Variants in OSBPL9 observed in about 807,000 individuals in gnomAD.
The protein encoded by OSBPL9 is oxysterol-binding protein-related protein 9.
OSBPL9 carries 40 observed loss-of-function variants against 106.6 expected under a neutral mutation model. The ratio of observed to expected loss-of-function variants is 0.38; its 90% confidence interval spans 0.29 to 0.49. The LOEUF (loss-of-function observed/expected upper bound fraction) is 0.49. Among genes scored for constraint, OSBPL9 ranks in the 20% least tolerant of loss-of-function variants. The pLI, the probability that OSBPL9 is intolerant of heterozygous loss-of-function variation, is 0.97. For missense variants in OSBPL9, 609 were observed against 887.2 expected (o/e 0.69, Z 3.98); for synonymous variants, 269 against 295.4 (o/e 0.91, Z 0.92).
intron 3 of OSBPL9, among the ~76,000 whole-genome samples, chr1:51,674,009 C>T (rs1008306862): frequency 1.7e-4 from 26 of 149,862 alleles, no homozygotes; most frequent in African/African-American, 6.1e-4. Context: ...TCAACTCCTT[C>T]CTTCCTTCCT....
At chr1:51,759,481 T>G (rs2149059942) in intron 9 of OSBPL9, 1 of 152,334 alleles carries the variant, frequency 6.6e-6, no homozygotes, top group East Asian at 1.9e-4. Flanking sequence ...TGGGCTTATT[T>G]ATTGGCAAAG....
At position 51,788,731 on chromosome 1, in the gene OSBPL9, G is replaced by T. The variant is rs1295602568; in HGVS notation, c.*942G>T. On this transcript the variant is annotated 3_prime_UTR_variant, in exon 24 of 24. Transcript: ENST00000428468. Reference sequence around the variant, plus strand: ...TTGCCTTAGAGGGTTTGGGAAGAGTGTGTATTTATAGATCCCCACCCCACA... The same window carrying T: ...TTGCCTTAGAGGGTTTGGGAAGAGTTTGTATTTATAGATCCCCACCCCACA... 6.6e-6 allele frequency among the ~76,000 whole-genome samples: 1 copy of T among 152,050 alleles called. No individual in the cohort carries two copies. The highest frequency in any genetic ancestry group is 2.4e-5 in the African/African-American group (1 of 41,370).
intron 2 of OSBPL9, among the ~76,000 whole-genome samples, chr1:51,606,665 C>T (rs1643950492): frequency 6.6e-6 from 1 of 152,202 alleles, no homozygotes; most frequent in Non-Finnish European, 1.5e-5. Flanking sequence ...GACATAATTA[C>T]CTGGTGGTAC....
At position 51,782,609 on chromosome 1, in the gene OSBPL9, A is replaced by G. The variant is rs778537718; in HGVS notation, c.1479A>G (p.Thr493=). ...PVPWVSKNSV[T]FVAEQVSHHP... ...CCTGGGTTTCCAAAAACAGTGTAAC[A>G]TTTGTGGCTGAGCAGGTTTCCCATC... is the stretch of plus-strand genomic sequence containing the variant. The change falls in exon 17 of 24, where the codon ACA becomes ACG. Residue 493 remains threonine (T), a synonymous_variant. Transcript: ENST00000428468. 1.2e-6 allele frequency: 2 copies of G among 1,613,956 alleles called. No individual in the cohort carries two copies. Among genetic ancestry groups the G allele is most frequent in the South Asian group, 1.1e-5 (1 of 91,070 alleles).
chr1:51,677,418 T>C (rs1289964438), intron 3 of OSBPL9, among the ~76,000 whole-genome samples: 1 of 152,238 alleles, frequency 6.6e-6, no homozygotes, highest in Non-Finnish European at 1.5e-5. Flanking sequence ...ACCTATATAT[T>C]AGGCATGTCT....
the OSBPL9 span, among the ~76,000 whole-genome samples, chr1:51,559,133 G>A: frequency 6.6e-6 from 1 of 152,132 alleles, no homozygotes; most frequent in Non-Finnish European, 1.5e-5. Context: ...GGAGGGATGG[G>A]GAGGGGATCT....
chr1:51,588,384 A>G (rs997815795), intron 1 of OSBPL9, among the ~76,000 whole-genome samples: 2 of 152,212 alleles, frequency 1.3e-5, no homozygotes, highest in African/African-American at 4.8e-5. Flanking sequence ...CTCTGTCTCA[A>G]AAAAATAATA....
intron 14 of OSBPL9, 123 bp from the exon 15 acceptor site, chr1:51,776,710 T>C (rs1675152032): frequency 1.8e-5 from 12 of 652,096 alleles, no homozygotes; most frequent in South Asian, 1.8e-4. Flanking sequence ...CTGGGCAATA[T>C]GTGGTGGATG....
intron 1 of OSBPL9, among the ~76,000 whole-genome samples, chr1:51,595,895 T>C (rs1031713547): frequency 2.6e-5 from 4 of 152,140 alleles, no homozygotes; most frequent in Admixed American, 1.3e-4. Flanking sequence ...GAATAGGGGC[T>C]AGAAACCAGG....
intron 4 of OSBPL9, among the ~76,000 whole-genome samples, chr1:51,714,693 C>G (rs1422244886): frequency 6.6e-6 from 1 of 152,180 alleles, no homozygotes; most frequent in Non-Finnish European, 1.5e-5. Flanking sequence ...GTAGCAATGT[C>G]AGCCTCCCAT....
chr1:51,577,315 T>C (rs1359280456), intron 1 of OSBPL9: 5 of 148,820 alleles, frequency 3.4e-5, no homozygotes, highest in Non-Finnish European at 7.4e-5. Flanking sequence ...TTTCTCTTTT[T>C]CTTTTCTTTT....
At chr1:51,570,389 C>G in the OSBPL9 span, among the ~76,000 whole-genome samples, 5 of 152,318 alleles carry the variant, frequency 3.3e-5, no homozygotes, top group South Asian at 1.0e-3. Flanking sequence ...CAGGATCACT[C>G]AACCAGTTCA....
At chr1:51,633,328 T>C (rs552012869) in intron 1 of OSBPL9, among the ~76,000 whole-genome samples, 1 of 151,180 alleles carries the variant, frequency 6.6e-6, no homozygotes, top group South Asian at 2.1e-4. Context: ...CCTAGCACTT[T>C]GGAGGCCAAG....
At chr1:51,603,268 T>C (rs1645332539) in intron 2 of OSBPL9, among the ~76,000 whole-genome samples, 1 of 152,228 alleles carries the variant, frequency 6.6e-6, no homozygotes, top group Non-Finnish European at 1.5e-5. Context: ...ACTAGCAATA[T>C]AATCAAGAAA....
chr1:51,749,796 T>C (rs964387908), intron 7 of OSBPL9, among the ~76,000 whole-genome samples: 1 of 151,846 alleles, frequency 6.6e-6, no homozygotes, highest in African/African-American at 2.4e-5. Flanking sequence ...GCCTCTGAGT[T>C]TGAGGCTGCA....
intron 4 of OSBPL9, among the ~76,000 whole-genome samples, chr1:51,730,662 T>A (rs1664180110): frequency 6.6e-6 from 1 of 152,224 alleles, no homozygotes; most frequent in Admixed American, 6.5e-5. Context: ...ATTTGAGTAA[T>A]GCACTTTTTG....
chr1:51,530,911 C>A, the OSBPL9 span, among the ~76,000 whole-genome samples: 1 of 149,544 alleles, frequency 6.7e-6, no homozygotes, highest in African/African-American at 2.5e-5. Context: ...GAGGCCGAGG[C>A]TGCAGTGAGC....
chr1:51,660,545 A>G (rs1647075994), intron 2 of OSBPL9, among the ~76,000 whole-genome samples: 2 of 152,252 alleles, frequency 1.3e-5, no homozygotes, highest in Admixed American at 1.3e-4. Flanking sequence ...ACATACTTTC[A>G]ATTCATGTAA....
chr1:51,670,062 A>G (rs1048952007), intron 3 of OSBPL9, among the ~76,000 whole-genome samples: 2 of 152,202 alleles, frequency 1.3e-5, no homozygotes, highest in African/African-American at 4.8e-5. Context: ...TTTATAGTTA[A>G]ATGCCATCTG....
Sources: gnomAD v4.1 joint callset for allele counts (sites outside exome capture counted in the v4.1 genomes callset) on GRCh38, gnomAD v4.1.1 for gene constraint, MANE v1.5 for transcripts, NCBI Gene and HGNC (gene_info 2026-07-23, HGNC 2026-07-21) for gene names.